The following IQSEC1 variants were observed in gnomAD, a reference collection of about 807,000 sequenced individuals.
IQSEC1 encodes IQ motif and Sec7 domain ArfGEF 1.
IQSEC1 carries 31 observed loss-of-function variants against 91.0 expected under a neutral mutation model. That is an observed-to-expected ratio of 0.34 (90% CI 0.26 to 0.46). IQSEC1 has a LOEUF of 0.46. Ranked by LOEUF, IQSEC1 falls within the 20% of genes least tolerant of loss-of-function variation. The pLI is 1.00. For synonymous variants in IQSEC1, 699 were observed against 662.6 expected, an observed-to-expected ratio of 1.05 and a Z score of -0.84; for missense variants, 1,388 against 1,575.6, an observed-to-expected ratio of 0.88 and a Z score of 2.02.
At chr3:13,156,925 C>A (rs1308495451) in intron 2 of IQSEC1, among the ~76,000 whole-genome samples, 1 of 152,100 alleles carries the variant, frequency 6.6e-6, no homozygotes, top group East Asian at 1.9e-4. Context: ...AGTGTGATGA[C>A]CACAGTGATG....
chr3:13,038,641 T>G (rs1704136347), intron 1 of IQSEC1, among the ~76,000 whole-genome samples: 1 of 152,062 alleles, frequency 6.6e-6, no homozygotes, highest in African/African-American at 2.4e-5. Flanking sequence ...GTCTTAAAAA[T>G]AATTGAAAGA....
intron 1 of IQSEC1, among the ~76,000 whole-genome samples, chr3:12,950,918 T>C (rs1254762011): frequency 6.6e-6 from 1 of 152,128 alleles, no homozygotes; most frequent in African/African-American, 2.4e-5. Flanking sequence ...AATGCTGAGA[T>C]TACAGGTGTG....
intron 1 of IQSEC1, among the ~76,000 whole-genome samples, chr3:13,234,545 T>C (rs1694893202): frequency 6.6e-6 from 1 of 152,106 alleles, no homozygotes; most frequent in East Asian, 1.9e-4. Context: ...CCCCATGTCA[T>C]CTTGCGCTAT....
chr3:12,914,344 C>T lies in IQSEC1; in HGVS notation c.2190+760G>A, dbSNP rs150001906. On this transcript the variant is annotated intron_variant, in intron 8 of 13. Coordinates refer to ENST00000613206, the MANE Select transcript of IQSEC1 (RefSeq NM_001134382.3). The stretch of plus-strand genomic sequence containing the variant: ...CCAGGTTCATGCAGGATGGGGGAGG[C>T]GGTCAAAGGGGTGGGATCCCCGGGA... Among the ~76,000 whole-genome samples, 23 of 152,248 alleles carry T rather than the reference C, an allele frequency of 1.5e-4. No individual in the cohort carries two copies. The East Asian group carries it at 3.1e-3, about 20-fold the overall frequency.
chr3:12,910,468 C>T (rs1298965664), intron 10 of IQSEC1, among the ~76,000 whole-genome samples: 2 of 152,242 alleles, frequency 1.3e-5, no homozygotes, highest in Non-Finnish European at 2.9e-5. Context: ...GTCAATGCCA[C>T]CATCTCAGAG....
intron 2 of IQSEC1, among the ~76,000 whole-genome samples, chr3:13,093,059 G>C (rs1173600193): frequency 6.6e-6 from 1 of 151,846 alleles, no homozygotes; most frequent in Non-Finnish European, 1.5e-5. Flanking sequence ...TCAGTACTTG[G>C]GATTATTTTA....
At chr3:13,030,690 C>G (rs1482041053) in intron 1 of IQSEC1, among the ~76,000 whole-genome samples, 1 of 152,246 alleles carries the variant, frequency 6.6e-6, no homozygotes, top group Non-Finnish European at 1.5e-5. Context: ...AGGATGCTTA[C>G]GAGACACGTG....
intron 1 of IQSEC1, among the ~76,000 whole-genome samples, chr3:13,243,685 G>A (rs189155484): frequency 5.9e-5 from 9 of 151,624 alleles, no homozygotes; most frequent in African/African-American, 2.2e-4. Flanking sequence ...GAGCCAATGC[G>A]CTTCCTCTTC....
At chr3:13,062,972 G>A (rs931513118) in intron 1 of IQSEC1, among the ~76,000 whole-genome samples, 16 of 152,222 alleles carry the variant, frequency 1.1e-4, no homozygotes, top group African/African-American at 3.9e-4. Flanking sequence ...TCGGAGGTCG[G>A]GCCAGTGTGG....
chr3:13,024,050 C>T (rs1421401077), intron 1 of IQSEC1, among the ~76,000 whole-genome samples: 1 of 152,228 alleles, frequency 6.6e-6, no homozygotes, highest in Non-Finnish European at 1.5e-5. Flanking sequence ...TTCCCTGTCA[C>T]TTTTCATACT....
chr3:13,036,511 G>A (rs1325823085), intron 1 of IQSEC1, among the ~76,000 whole-genome samples: 1 of 152,038 alleles, frequency 6.6e-6, no homozygotes, highest in African/African-American at 2.4e-5. Flanking sequence ...TTCCCACTTC[G>A]CCTGACTTCA....
At chr3:12,905,135 C>T (rs1170167098) in intron 12 of IQSEC1, among the ~76,000 whole-genome samples, 1 of 152,272 alleles carries the variant, frequency 6.6e-6, no homozygotes, top group East Asian at 1.9e-4. Context: ...CACACCTGCC[C>T]TGGTTCACCG....
At chr3:13,023,086 C>T (rs571812062) in intron 1 of IQSEC1, among the ~76,000 whole-genome samples, 1 of 152,212 alleles carries the variant, frequency 6.6e-6, no homozygotes, top group Non-Finnish European at 1.5e-5. Flanking sequence ...GTCACTTACC[C>T]TAGGTCACAG....
At chr3:13,128,324 A>G (rs1706551804) in intron 2 of IQSEC1, among the ~76,000 whole-genome samples, 1 of 152,112 alleles carries the variant, frequency 6.6e-6, no homozygotes, top group Non-Finnish European at 1.5e-5. Context: ...GTCCTTTATA[A>G]AGTTGAGGAA....
intron 1 of IQSEC1, among the ~76,000 whole-genome samples, chr3:13,272,729 G>A (rs941793080): frequency 1.3e-5 from 2 of 152,236 alleles, no homozygotes; most frequent in Non-Finnish European, 2.9e-5. Context: ...TGGGCTGTGG[G>A]AGGGGGATGG....
chr3:13,020,571 A>G (rs1293974130), intron 1 of IQSEC1, among the ~76,000 whole-genome samples: 1 of 152,146 alleles, frequency 6.6e-6, no homozygotes. Context: ...TTTTACCCCA[A>G]CAGAAGAACC....
chr3:12,949,322 C>CT (rs1699387103), intron 1 of IQSEC1, among the ~76,000 whole-genome samples: 1 of 152,208 alleles, frequency 6.6e-6, no homozygotes, highest in Non-Finnish European at 1.5e-5. Flanking sequence ...CAGAGGGTGG[C>CT]CACATCACAT....
chr3:13,169,190 C>T (rs1220206217), intron 1 of IQSEC1, among the ~76,000 whole-genome samples: 1 of 152,166 alleles, frequency 6.6e-6, no homozygotes, highest in South Asian at 2.1e-4. Flanking sequence ...AGGTCTTTCC[C>T]ATGCTGTTCT....
intron 2 of IQSEC1, among the ~76,000 whole-genome samples, chr3:13,160,045 T>C (rs546826448): frequency 6.6e-5 from 10 of 152,256 alleles, no homozygotes; most frequent in African/African-American, 2.4e-4. Flanking sequence ...AGTCCTACAT[T>C]TGCAAAATGG....
Sources: allele counts gnomAD v4.1 joint callset (sites outside exome capture counted in the v4.1 genomes callset), GRCh38; gene constraint gnomAD v4.1.1; transcripts MANE v1.5; gene names NCBI Gene and HGNC (gene_info 2026-07-23, HGNC 2026-07-21).